The following CLCN2 variants were observed in gnomAD, a reference collection of about 807,000 sequenced individuals.
CLCN2 encodes chloride channel protein 2.
In CLCN2, 72 loss-of-function variants were observed where a neutral mutation model predicts 108.3. That is an observed-to-expected ratio of 0.66 (90% CI 0.55 to 0.81). CLCN2 has a LOEUF of 0.81. Ranked by LOEUF, CLCN2 falls within the 30% of genes least tolerant of loss-of-function variation. The pLI is 0.00. For synonymous variants in CLCN2, 471 were observed against 467.1 expected (o/e 1.01, Z -0.11); for missense variants, 1,048 against 1,205.2 (o/e 0.87, Z 1.93).
intron 19 of CLCN2, 81 bp downstream of exon 19, chr3:184,352,656 G>A: frequency 2.6e-6 from 4 of 1,516,368 alleles, no homozygotes; most frequent in Non-Finnish European, 9.1e-7. Flanking sequence ...GGCAGGCACT[G>A]CAGGGTTAAT....
At chr3:184,352,376 T>C (rs771244399) in intron 20 of CLCN2, 45 bp from the exon 21 acceptor site, 1 of 1,613,504 alleles carries the variant, frequency 6.2e-7, no homozygotes, top group Admixed American at 1.7e-5. Flanking sequence ...CTCTGGAGTT[T>C]ATCCAGCCTA....
intron 3 of CLCN2, 115 bp from the exon 4 acceptor site, chr3:184,358,425 G>T (rs1711562222): frequency 6.8e-7 from 1 of 1,481,010 alleles, no homozygotes; most frequent in African/African-American, 1.4e-5. Flanking sequence ...GTCAGGGCAT[G>T]GGTGAAGGAA....
At chr3:184,356,229 G>C (rs913736311) in intron 10 of CLCN2, 14 of 242,020 alleles carry the variant, frequency 5.8e-5, no homozygotes, top group South Asian at 4.9e-4. Context: ...TGCGTAGGGA[G>C]CAGGTTCAGC....
chr3:184,347,383 A>G (rs1727758259), intron 22 of CLCN2: 1 of 373,368 alleles, frequency 2.7e-6, no homozygotes, highest in Non-Finnish European at 5.2e-6. Context: ...ATTATCATTT[A>G]ATTCCAGTAC....
At chr3:184,347,109 G>A (rs1309730501) in intron 22 of CLCN2, 88 bp from the exon 23 acceptor site, 2 of 1,134,882 alleles carry the variant, frequency 1.8e-6, no homozygotes, top group Non-Finnish European at 2.7e-6. Flanking sequence ...CAAGGTTGGT[G>A]TGGAATAGGA....
chr3:184,351,855 TCATCCAAGCAGTATGTCTAAAAAACA>T (rs1728121713), intron 22 of CLCN2, among the ~76,000 whole-genome samples, 132 bp downstream of exon 22: 1 of 152,244 alleles, frequency 6.6e-6, no homozygotes. Context: ...CCACCTCCCA[TCATCCAAGCAGTATGTCTAAAAAACA>T]TCTCCGCACT....
At chr3:184,360,603 C>G (rs562372321) in intron 1 of CLCN2, among the ~76,000 whole-genome samples, 41 of 152,260 alleles carry the variant, frequency 2.7e-4, no homozygotes, top group African/African-American at 8.9e-4. Flanking sequence ...AATTCCAGCC[C>G]AAGCTGGTAA....
chr3:184,348,195 G>A (rs1727827552), intron 22 of CLCN2: 1 of 152,200 alleles, frequency 6.6e-6, no homozygotes, highest in South Asian at 2.1e-4. Context: ...AGAGGGGCAA[G>A]AAGTTCAATT....
Position 184,357,355 on chromosome 3 carries a change from C to G in CLCN2, c.898+7G>C. The G allele has an allele frequency of 6.2e-7, 1 of 1,613,958 alleles. No homozygotes were observed. The highest frequency in any genetic ancestry group is 8.5e-7 in the Non-Finnish European group (1 of 1,180,008). The stretch of plus-strand genomic sequence containing the variant: ...TCGGGCTGCCCTCATCCCCTGGGTG[C>G]CCCCACCTTCATCCCGGTTCCAGAC... On this transcript the variant is annotated splice_region_variant and intron_variant, in intron 8 of 23. Transcript: ENST00000265593.
chr3:184,347,412 T>C (rs1647912994), intron 22 of CLCN2: 2 of 348,256 alleles, frequency 5.7e-6, no homozygotes, highest in African/African-American at 4.3e-5. Flanking sequence ...GAACTAAGCA[T>C]TAGGAGAAGC....
At chr3:184,360,437 C>T (rs1711895936) in intron 1 of CLCN2, among the ~76,000 whole-genome samples, 1 of 152,002 alleles carries the variant, frequency 6.6e-6, no homozygotes, top group Non-Finnish European at 1.5e-5. Flanking sequence ...GCAAGTGTCT[C>T]CTACCCCATC....
Position 184,355,885 on chromosome 3 carries a change from TCAGTCCTGACAGAAGGTCTCCTTTG to T in CLCN2, c.1086-132_1086-108del. The T allele has an allele frequency of 1.1e-6, 1 of 880,116 alleles. No individual in the cohort carries two copies. Among genetic ancestry groups the T allele is most frequent in the East Asian group, 2.6e-5 (1 of 38,180 alleles). The allele number at this position is 880,116 out of a possible 1,614,324, so 54.5% of individuals were successfully genotyped here. A position where few individuals can be genotyped will look rare whatever the true frequency, so the allele number is the denominator to read the frequency against. ...AGCCTTGGCTCTTTCATGAAAACAC[TCAGTCCTGACAGAAGGTCTCCTTTG>T]CTGTTTATGATACGATAGCCCCAAG... On this transcript the variant is annotated intron_variant, in intron 10 of 23. Transcript: ENST00000265593. The surrounding 1 kb of genome is among the most constrained non-coding windows in gnomAD (Gnocchi z 6.3).
At chr3:184,353,197 C>G in intron 17 of CLCN2, 50 bp from the exon 18 acceptor site, 1 of 1,612,948 alleles carries the variant, frequency 6.2e-7, no homozygotes, top group Non-Finnish European at 8.5e-7. Context: ...GACCACCCTC[C>G]CAATCAGTCT....
chr3:184,354,508 G>C (rs201476639), intron 14 of CLCN2, 40 bp downstream of exon 14: 127 of 1,510,658 alleles, frequency 8.4e-5, no homozygotes, highest in South Asian at 8.3e-4. Flanking sequence ...GGGCGTGGGT[G>C]GGGGGGTCTC....
intron 10 of CLCN2, 53 bp downstream of exon 10, chr3:184,356,940 T>G: frequency 7.8e-7 from 1 of 1,280,912 alleles, no homozygotes; most frequent in South Asian, 1.2e-5. Context: ...CCTGACCTAC[T>G]GTGGCCCTTA....
Position 184,357,392 on chromosome 3 carries a change from G to A in CLCN2, c.868C>T (p.Arg290Trp), listed in dbSNP as rs771530773. Residue 290 changes from arginine (R) to tryptophan (W), a missense_variant, in exon 8 of 24, where the codon CGG becomes TGG. Arg to Trp is a moderately radical substitution (Grantham distance 101, BLOSUM62 -3). Coordinates refer to ENST00000265593, the MANE Select transcript of CLCN2 (RefSeq NM_004366.6). ...TCCCGGTTCCAGACTGCCAAGACCC[G>A]GAAGATGAAGGCACTGAAGGTGGCA... ...FAATFSAFIFRVLAVWNRDEE... is the reference protein window; with the variant it reads ...FAATFSAFIFWVLAVWNRDEE... 5.6e-6 allele frequency: 9 copies of A among 1,613,948 alleles called. No homozygotes were observed. The highest frequency in any genetic ancestry group is 4.0e-5 in the African/African-American group (3 of 74,938).
chr3:184,347,405 C>A lies in CLCN2; in HGVS notation c.2416-384G>T. On this transcript the variant is annotated intron_variant, in intron 22 of 23. Coordinates refer to ENST00000265593, the MANE Select transcript of CLCN2 (RefSeq NM_004366.6). Reference sequence around the variant, plus strand: ...TTTAATTCCAGTACTGTCCTGAGAACTAAGCATTAGGAGAAGCAGCATGGG... The same window carrying A: ...TTTAATTCCAGTACTGTCCTGAGAAATAAGCATTAGGAGAAGCAGCATGGG... 10 of 353,476 alleles carry A rather than the reference C, an allele frequency of 2.8e-5. 1 individual carries two copies. Among genetic ancestry groups the A allele is most frequent in the South Asian group, 2.3e-4 (10 of 44,078 alleles). The allele number at this position is 353,476 out of a possible 1,614,324, so 21.9% of individuals were successfully genotyped here.
chr3:184,352,405 C>G (rs562270931), intron 20 of CLCN2, 38 bp downstream of exon 20: 9 of 1,612,746 alleles, frequency 5.6e-6, no homozygotes, highest in Non-Finnish European at 7.6e-6. Context: ...CCTCCCTGCC[C>G]GGTGCCGCCG....
At chr3:184,356,507 T>A (rs181145850) in intron 10 of CLCN2, 10 of 171,530 alleles carry the variant, frequency 5.8e-5, no homozygotes, top group Admixed American at 2.8e-4. Flanking sequence ...GGCGTGGTGG[T>A]GCATGCCTGT....
Sources: allele counts gnomAD v4.1 joint callset (sites outside exome capture counted in the v4.1 genomes callset), GRCh38; gene constraint gnomAD v4.1.1; non-coding constraint Gnocchi (gnomAD v3.1); transcripts MANE v1.5; gene names NCBI Gene and HGNC (gene_info 2026-07-23, HGNC 2026-07-21).